CSMD1: variants seen among roughly 807,000 people sequenced by gnomAD.
The protein encoded by CSMD1 is CUB and Sushi multiple domains 1.
In CSMD1, 213 loss-of-function variants were observed where a neutral mutation model predicts 417.5. The observed-to-expected ratio is 0.51, with a 90% CI of 0.46 to 0.57. The LOEUF is 0.57. CSMD1 is among the 20% of genes least tolerant of loss of function. CSMD1 has a pLI of 0.00. For missense variants in CSMD1, 6,923 were observed against 4,529.7 expected (o/e 1.53, Z -15.17); for synonymous variants, 2,862 against 1,736.8 (o/e 1.65, Z -16.11).
At chr8:3,500,283 G>C (rs932838884) in intron 10 of CSMD1, among the ~76,000 whole-genome samples, 1 of 152,158 alleles carries the variant, frequency 6.6e-6, no homozygotes, top group Non-Finnish European at 1.5e-5. Flanking sequence ...GGAGGAAAGT[G>C]CTGGGCACTC....
At chr8:3,427,904 T>C (rs967526065) in intron 12 of CSMD1, among the ~76,000 whole-genome samples, 16 of 152,242 alleles carry the variant, frequency 1.1e-4, no homozygotes, top group African/African-American at 3.1e-4. Context: ...TGAGCTCAAC[T>C]GATAATTCAC....
chr8:4,607,320 G>T (rs1216821962), intron 2 of CSMD1, among the ~76,000 whole-genome samples: 3 of 152,128 alleles, frequency 2.0e-5, no homozygotes, highest in African/African-American at 7.2e-5. Context: ...GTATCAGAAT[G>T]TTAAGGGTTA....
At chr8:4,064,524 G>A (rs1366248083) in intron 3 of CSMD1, among the ~76,000 whole-genome samples, 1 of 152,226 alleles carries the variant, frequency 6.6e-6, no homozygotes, top group Non-Finnish European at 1.5e-5. Context: ...ACATCCAAGT[G>A]AAGCCACCCA....
At chr8:4,335,941 A>T (rs1800142888) in intron 3 of CSMD1, among the ~76,000 whole-genome samples, 1 of 152,142 alleles carries the variant, frequency 6.6e-6, no homozygotes, top group South Asian at 2.1e-4. Flanking sequence ...ATATTGGAGG[A>T]TAAGCACAGG....
intron 2 of CSMD1, among the ~76,000 whole-genome samples, chr8:4,444,055 G>T (rs1282281385): frequency 6.6e-6 from 1 of 152,080 alleles, no homozygotes; most frequent in African/African-American, 2.4e-5. Flanking sequence ...GAGTAAGATA[G>T]AGGTGGCCTG....
intron 3 of CSMD1, among the ~76,000 whole-genome samples, chr8:4,168,171 A>G (rs1353628859): frequency 6.6e-6 from 1 of 151,448 alleles, no homozygotes; most frequent in Non-Finnish European, 1.5e-5. Flanking sequence ...ACACACACAC[A>G]CACACATACA....
intron 3 of CSMD1, among the ~76,000 whole-genome samples, chr8:4,288,321 G>C (rs1024136239): frequency 1.2e-4 from 19 of 152,038 alleles, no homozygotes; most frequent in African/African-American, 4.3e-4. Context: ...CCACCCTGAA[G>C]GGCTCCCTTC....
At position 3,408,091 on chromosome 8, in the gene CSMD1, T is replaced by G; in HGVS notation, c.1879A>C (p.Asn627His). 1 of 1,613,876 alleles carries G rather than the reference T, an allele frequency of 6.2e-7. No homozygotes were observed. The highest frequency in any genetic ancestry group is 1.1e-5 in the South Asian group (1 of 91,072). ...EPGSRIHLIF[N>H]DFDVEPQFDF... ...AACTGAGGCTCAACATCAAAATCATTAAAGATTAGGTGAATTCGACTTCCT... is the reference window on the plus strand; with the variant it reads ...AACTGAGGCTCAACATCAAAATCATGAAAGATTAGGTGAATTCGACTTCCT... The change falls in exon 14 of 70, where the codon AAT (asparagine) becomes CAT (histidine). Residue 627 changes from asparagine to histidine, a missense_variant. Transcript: ENST00000635120.
At position 4,159,870 on chromosome 8, in the gene CSMD1, A is replaced by G. The variant is rs181946417; in HGVS notation, c.416-127771T>C. ...AACTAAAGACCGTATGTTCTCACCCATAAGTGCGAGCTAGCCTATGAGGAT... is the reference window on the plus strand; with the variant it reads ...AACTAAAGACCGTATGTTCTCACCCGTAAGTGCGAGCTAGCCTATGAGGAT... On this transcript the variant is annotated intron_variant, in intron 3 of 69. Transcript: ENST00000635120. Among the ~76,000 whole-genome samples the G allele has an allele frequency of 2.9e-4, 44 of 152,284 alleles. No homozygotes were observed. The East Asian group carries it at 7.7e-3, about 27-fold the overall frequency.
At chr8:4,287,093 C>G (rs112209710) in intron 3 of CSMD1, among the ~76,000 whole-genome samples, 8 of 152,314 alleles carry the variant, frequency 5.3e-5, no homozygotes, top group African/African-American at 1.4e-4. Flanking sequence ...GAGTTTCAAT[C>G]TACTTCACAC....
At chr8:4,356,851 G>T (rs1188648491) in intron 3 of CSMD1, among the ~76,000 whole-genome samples, 1 of 152,088 alleles carries the variant, frequency 6.6e-6, no homozygotes, top group East Asian at 1.9e-4. Flanking sequence ...AGCTATCTCT[G>T]CCCTTTCCTC....
At chr8:4,098,605 C>G (rs1801146634) in intron 3 of CSMD1, among the ~76,000 whole-genome samples, 1 of 152,026 alleles carries the variant, frequency 6.6e-6, no homozygotes, top group Admixed American at 6.6e-5. Flanking sequence ...CTCTAAGGTT[C>G]AAATAAGTGA....
chr8:4,557,921 T>A (rs779117744), intron 2 of CSMD1, among the ~76,000 whole-genome samples: 6 of 152,204 alleles, frequency 3.9e-5, no homozygotes, highest in Non-Finnish European at 7.3e-5. Context: ...TTTTTCATCA[T>A]ATCTTAGGCT....
chr8:4,944,037 A>T (rs1320982877), intron 1 of CSMD1, among the ~76,000 whole-genome samples: 1 of 152,164 alleles, frequency 6.6e-6, no homozygotes, highest in Non-Finnish European at 1.5e-5. Context: ...ATAAGCTGGA[A>T]AGTCTGGGGA....
chr8:3,497,155 G>C (rs552267836), intron 10 of CSMD1, among the ~76,000 whole-genome samples: 10 of 152,198 alleles, frequency 6.6e-5, no homozygotes, highest in African/African-American at 2.4e-4. Flanking sequence ...ATGTCCGTTA[G>C]GTCCATTTGG....
chr8:3,462,300 C>A (rs1816555989), intron 12 of CSMD1, among the ~76,000 whole-genome samples: 1 of 152,152 alleles, frequency 6.6e-6, no homozygotes, highest in Non-Finnish European at 1.5e-5. Flanking sequence ...CTCCAGACCT[C>A]CCTGTAGCAT....
intron 7 of CSMD1, among the ~76,000 whole-genome samples, chr8:3,647,526 A>G (rs1264124628): frequency 1.3e-5 from 2 of 152,242 alleles, no homozygotes; most frequent in Non-Finnish European, 2.9e-5. Context: ...TATAGCATAA[A>G]GAGAAATATA....
At chr8:4,737,035 G>A (rs1244959216) in intron 1 of CSMD1, among the ~76,000 whole-genome samples, 1 of 152,104 alleles carries the variant, frequency 6.6e-6, no homozygotes, top group Non-Finnish European at 1.5e-5. Flanking sequence ...ATATGCACAT[G>A]TAAGTTTATT....
At chr8:4,068,838 G>C (rs924801278) in intron 3 of CSMD1, among the ~76,000 whole-genome samples, 2 of 152,124 alleles carry the variant, frequency 1.3e-5, no homozygotes, top group Non-Finnish European at 2.9e-5. Flanking sequence ...TTCATGTACT[G>C]TATCAAAATG....
Sources: gnomAD v4.1 joint callset for allele counts (sites outside exome capture counted in the v4.1 genomes callset) on GRCh38, gnomAD v4.1.1 for gene constraint, MANE v1.5 for transcripts, NCBI Gene and HGNC (gene_info 2026-07-23, HGNC 2026-07-21) for gene names.